The following NCAM2 variants were observed in gnomAD, a reference collection of about 807,000 sequenced individuals.
NCAM2 encodes the protein N-CAM-2.
A neutral mutation model predicts 98.1 loss-of-function variants in NCAM2; 30 were observed. The ratio of observed to expected loss-of-function variants is 0.31; its 90% CI spans 0.23 to 0.41. The LOEUF is 0.41. NCAM2 is among the 10% of genes least tolerant of loss of function. The probability of loss-of-function intolerance (pLI) is 1.00; values close to 1 mark genes in which losing one functional copy is unlikely to be tolerated. For synonymous variants in NCAM2, 368 were observed against 342.4 expected, an observed-to-expected ratio of 1.07 and a Z score of -0.83; for missense variants, 867 against 1,005.8, an observed-to-expected ratio of 0.86 and a Z score of 1.87.
chr21:21,261,516 A>G (rs1271187098), intron 1 of NCAM2, among the ~76,000 whole-genome samples: 1 of 152,178 alleles, frequency 6.6e-6, no homozygotes, highest in Non-Finnish European at 1.5e-5. Context: ...CAACAGTGGA[A>G]TAAAATTTGA....
At chr21:21,428,633 G>A (rs2077265175) in intron 11 of NCAM2, among the ~76,000 whole-genome samples, 2 of 152,278 alleles carry the variant, frequency 1.3e-5, no homozygotes, top group Middle Eastern at 3.4e-3. Context: ...AGAGGAAATG[G>A]GAAGGAAGAA....
intron 14 of NCAM2, among the ~76,000 whole-genome samples, chr21:21,470,400 G>C (rs1984291063): frequency 6.6e-6 from 1 of 152,076 alleles, no homozygotes; most frequent in African/African-American, 2.4e-5. Flanking sequence ...AAATAAGTAA[G>C]ATTTTAAGCA....
intron 8 of NCAM2, among the ~76,000 whole-genome samples, chr21:21,365,171 ACAGAGAAATAC>A (rs1289806291): frequency 2.0e-5 from 3 of 152,066 alleles, no homozygotes; most frequent in Non-Finnish European, 2.9e-5. Flanking sequence ...TCACACACAC[ACAGAGAAATAC>A]CTCCGGAGAT....
intron 1 of NCAM2, among the ~76,000 whole-genome samples, chr21:21,268,834 A>T (rs578221365): frequency 2.0e-5 from 3 of 152,296 alleles, no homozygotes; most frequent in East Asian, 3.9e-4. Context: ...TCAACAAAAT[A>T]GCACCAAGTA....
intron 1 of NCAM2, among the ~76,000 whole-genome samples, chr21:21,210,058 C>A (rs2069590885): frequency 6.6e-6 from 1 of 152,068 alleles, no homozygotes; most frequent in Non-Finnish European, 1.5e-5. Context: ...TAGAGGAGGA[C>A]ACAGAAAATA....
At chr21:21,198,891 A>G (rs1470074144) in intron 1 of NCAM2, among the ~76,000 whole-genome samples, 1 of 152,176 alleles carries the variant, frequency 6.6e-6, no homozygotes, top group African/African-American at 2.4e-5. Context: ...ATCAAATAAA[A>G]GGATGCAAAC....
chr21:21,410,336 A>G lies in NCAM2; in HGVS notation c.1258A>G (p.Ile420Val), dbSNP rs762272425. 5.6e-6 allele frequency: 9 copies of G among 1,602,748 alleles called. No individual in the cohort carries two copies. In the Admixed American group the frequency reaches 8.5e-5, roughly 15 times the overall value. ...YYSWEGNPINISCDVKSNPPA... is the reference protein window; with the variant it reads ...YYSWEGNPINVSCDVKSNPPA... The stretch of plus-strand genomic sequence containing the variant: ...CTCTTGGGAAGGAAATCCTATCAAT[A>G]TAAGTTGTGATGTGAAATCGAATCC... The change falls in exon 10 of 18, where the codon ATA becomes GTA. Residue 420 changes from isoleucine (I) to valine (V), a missense_variant. Ile to Val is a conservative substitution (Grantham distance 29, BLOSUM62 3). Transcript: ENST00000400546.
chr21:21,394,588 ACG>A (rs1313713031), intron 9 of NCAM2, among the ~76,000 whole-genome samples: 1 of 141,562 alleles, frequency 7.1e-6, no homozygotes, highest in African/African-American at 2.7e-5. Flanking sequence ...TCCCGGGTTC[ACG>A]CCATTCTCCT....
chr21:21,342,482 G>T (rs572437595), intron 8 of NCAM2, among the ~76,000 whole-genome samples: 5 of 152,176 alleles, frequency 3.3e-5, no homozygotes, highest in Non-Finnish European at 7.3e-5. Flanking sequence ...AGGTGGAGCT[G>T]TTTTTGGAAC....
chr21:21,411,046 A>ATGTG (rs376274913), intron 10 of NCAM2, among the ~76,000 whole-genome samples: 8 of 48,752 alleles, frequency 1.6e-4, no homozygotes, highest in African/African-American at 2.3e-4. Context: ...ACATATATAT[A>ATGTG]TGTGTGTGTA....
At chr21:21,512,840 G>C (rs1988477085) in intron 16 of NCAM2, among the ~76,000 whole-genome samples, 1 of 151,818 alleles carries the variant, frequency 6.6e-6, no homozygotes, top group African/African-American at 2.4e-5. Context: ...CAATTTATTT[G>C]AGCTTTTATA....
chr21:21,483,024 A>G (rs1279967025), intron 15 of NCAM2, among the ~76,000 whole-genome samples: 1 of 152,042 alleles, frequency 6.6e-6, no homozygotes, highest in East Asian at 1.9e-4. Context: ...AATCTTAATG[A>G]CTAAAAATAC....
At chr21:21,415,892 A>G (rs940744534) in intron 10 of NCAM2, among the ~76,000 whole-genome samples, 1 of 152,192 alleles carries the variant, frequency 6.6e-6, no homozygotes, top group Admixed American at 6.5e-5. Flanking sequence ...CAGGCCAACA[A>G]AATATTTCTC....
At chr21:21,106,878 T>G (rs1231932939) in intron 1 of NCAM2, among the ~76,000 whole-genome samples, 1 of 152,120 alleles carries the variant, frequency 6.6e-6, no homozygotes, top group African/African-American at 2.4e-5. Flanking sequence ...TGAGTCAATC[T>G]TTGAAAAACA....
intron 1 of NCAM2, among the ~76,000 whole-genome samples, chr21:21,192,436 G>A (rs1398648930): frequency 5.3e-5 from 8 of 152,082 alleles, no homozygotes; most frequent in African/African-American, 1.9e-4. Context: ...GTCCACATAT[G>A]ACATTAAAAT....
intron 1 of NCAM2, among the ~76,000 whole-genome samples, chr21:21,009,646 T>G (rs1334203212): frequency 6.6e-6 from 1 of 152,004 alleles, no homozygotes; most frequent in Non-Finnish European, 1.5e-5. Flanking sequence ...AAATGTCTGC[T>G]GTGTCGATAA....
At chr21:21,448,352 T>C (rs1300422140) in intron 12 of NCAM2, among the ~76,000 whole-genome samples, 1 of 151,792 alleles carries the variant, frequency 6.6e-6, no homozygotes, top group Non-Finnish European at 1.5e-5. Context: ...TGAGAATACA[T>C]GGACACAGGG....
intron 1 of NCAM2, among the ~76,000 whole-genome samples, chr21:21,161,529 T>A (rs1468109925): frequency 6.6e-6 from 1 of 151,550 alleles, no homozygotes; most frequent in African/African-American, 2.4e-5. Context: ...TTGAGAATTG[T>A]TGAGAAATGT....
intron 15 of NCAM2, among the ~76,000 whole-genome samples, chr21:21,507,588 TC>T (rs1863281128): frequency 6.6e-6 from 1 of 151,904 alleles, no homozygotes; most frequent in African/African-American, 2.4e-5. Context: ...GGTCAGGAGA[TC>T]GAGACCATCC....
Sources: gnomAD v4.1 joint callset for allele counts (sites outside exome capture counted in the v4.1 genomes callset) on GRCh38, gnomAD v4.1.1 for gene constraint, MANE v1.5 for transcripts, NCBI Gene and HGNC (gene_info 2026-07-23, HGNC 2026-07-21) for gene names.